USH2A: variants seen among roughly 807,000 people sequenced by gnomAD.
The protein encoded by USH2A is usherin.
USH2A carries 443 observed loss-of-function variants against 538.9 expected under a neutral mutation model. The ratio of observed to expected loss-of-function variants is 0.82; its 90% CI spans 0.76 to 0.89. The LOEUF is 0.89. Among genes scored for constraint, USH2A ranks in the 40% least tolerant of loss-of-function variants. USH2A has a pLI of 0.00. For missense variants in USH2A, 6,633 were observed against 6,324.8 expected (o/e 1.05, Z -1.65); for synonymous variants, 2,413 against 2,273.5 (o/e 1.06, Z -1.75).
Position 215,838,117 on chromosome 1 carries a change from T to G in USH2A, c.9259-14A>C, listed in dbSNP as rs561590242. On this transcript the variant is annotated splice_polypyrimidine_tract_variant and intron_variant, in intron 46 of 71. Coordinates refer to ENST00000307340, the MANE Select transcript of USH2A (RefSeq NM_206933.4). ...GCAGACTTCAACCTGCAAACATTAG[T>G]TTAGAAAAAATAAATGCAACCATTT... 546 of 1,603,556 alleles carry G rather than the reference T, an allele frequency of 3.4e-4. 5 individuals carry two copies. The South Asian group carries it at 5.7e-3, about 17-fold the overall frequency.
At chr1:215,913,721 G>C (rs990177285) in intron 38 of USH2A, among the ~76,000 whole-genome samples, 3 of 151,848 alleles carry the variant, frequency 2.0e-5, no homozygotes, top group Non-Finnish European at 4.4e-5. Context: ...TCATCTTATT[G>C]ATATACTTTG....
At position 216,286,609 on chromosome 1, in the gene USH2A, A is replaced by T. The variant is rs143072240; in HGVS notation, c.1971+2671T>A. On this transcript the variant is annotated intron_variant, in intron 11 of 71. Transcript: ENST00000307340. ...CATGGTGGTGAGCATCTGCAATCCT[A>T]GCTGTTCAGGAGGCCGAGGCAGGAG... is the stretch of plus-strand genomic sequence containing the variant. 2.4e-3 allele frequency among the ~76,000 whole-genome samples: 368 copies of T among 152,182 alleles called. 1 individual carries two copies. Among genetic ancestry groups the T allele is most frequent in the African/African-American group, 8.5e-3 (354 of 41,514 alleles).
In USH2A at chr1:216,148,122, C is replaced by T. The variant is rs552124385; in HGVS notation, c.4627+27130G>A. ...AAGCCCGTCCCCTTCTTAATCAATA[C>T]GGAGGCTACCCACTCCACATTACCC... On this transcript the variant is annotated intron_variant, in intron 21 of 71. Coordinates refer to ENST00000307340, the MANE Select transcript of USH2A (RefSeq NM_206933.4). Among the ~76,000 whole-genome samples the T allele has an allele frequency of 2.0e-4, 31 of 152,038 alleles. 1 individual carries two copies. In the South Asian group the frequency reaches 4.8e-3, roughly 23 times the overall value.
At chr1:215,863,355 C>G (rs1366759305) in intron 44 of USH2A, among the ~76,000 whole-genome samples, 2 of 152,088 alleles carry the variant, frequency 1.3e-5, no homozygotes, top group African/African-American at 4.8e-5. Flanking sequence ...AACAGAGGAA[C>G]AAGGTGAGGC....
At chr1:215,670,763 T>A (rs889629435) in intron 64 of USH2A, among the ~76,000 whole-genome samples, 4 of 152,172 alleles carry the variant, frequency 2.6e-5, no homozygotes, top group Non-Finnish European at 4.4e-5. Flanking sequence ...AAACAACGTA[T>A]ATAATATGGC....
At chr1:216,067,468 C>A (rs2031416366) in intron 30 of USH2A, among the ~76,000 whole-genome samples, 1 of 146,298 alleles carries the variant, frequency 6.8e-6, no homozygotes. Flanking sequence ...GTTGGATGCT[C>A]TGTAGAATAC....
chr1:216,124,630 C>T (rs1442920931), intron 21 of USH2A, among the ~76,000 whole-genome samples: 1 of 152,128 alleles, frequency 6.6e-6, no homozygotes, highest in Non-Finnish European at 1.5e-5. Context: ...ACATATTCAA[C>T]CTTACACCGA....
chr1:216,225,930 T>C (rs1385674638), intron 14 of USH2A, among the ~76,000 whole-genome samples: 1 of 152,108 alleles, frequency 6.6e-6, no homozygotes, highest in African/African-American at 2.4e-5. Flanking sequence ...GAATGGGTGA[T>C]CATGTGTTTG....
intron 61 of USH2A, among the ~76,000 whole-genome samples, chr1:215,680,666 TA>T (rs879571874): frequency 2.4e-4 from 34 of 143,628 alleles, no homozygotes; most frequent in Non-Finnish European, 4.1e-4. Context: ...ATATAAACAT[TA>T]AAAAAAAAAA....
intron 30 of USH2A, among the ~76,000 whole-genome samples, chr1:216,053,327 G>A (rs1046106522): frequency 3.9e-5 from 6 of 152,094 alleles, no homozygotes; most frequent in African/African-American, 7.2e-5. Flanking sequence ...TAGAAAATGC[G>A]GTAGTTGCCT....
intron 3 of USH2A, among the ~76,000 whole-genome samples, chr1:216,392,322 C>A (rs571664769): frequency 1.1e-4 from 17 of 151,912 alleles, no homozygotes; most frequent in African/African-American, 3.9e-4. Context: ...CACGGTGAAA[C>A]CCTGTCTCTA....
intron 54 of USH2A, 148 bp downstream of exon 54, chr1:215,781,894 C>CA: frequency 2.1e-6 from 2 of 944,130 alleles, no homozygotes; most frequent in South Asian, 2.8e-5. Context: ...TATTAGCACT[C>CA]AGTTAACGTG....
chr1:216,326,747 A>G (rs1364356038), intron 5 of USH2A, among the ~76,000 whole-genome samples: 2 of 152,152 alleles, frequency 1.3e-5, no homozygotes, highest in African/African-American at 2.4e-5. Flanking sequence ...AACCACATCA[A>G]AAGCAATGCT....
intron 30 of USH2A, among the ~76,000 whole-genome samples, chr1:216,058,902 C>T (rs183513008): frequency 4.6e-5 from 7 of 152,096 alleles, no homozygotes; most frequent in African/African-American, 1.4e-4. Flanking sequence ...AGGTAGTGAA[C>T]GAGGCTTAAA....
At chr1:216,091,336 T>C (rs1181460569) in intron 22 of USH2A, among the ~76,000 whole-genome samples, 1 of 152,166 alleles carries the variant, frequency 6.6e-6, no homozygotes, top group East Asian at 1.9e-4. Context: ...CATAGAATAT[T>C]TAAGGGATAA....
intron 16 of USH2A, among the ~76,000 whole-genome samples, chr1:216,203,262 T>C (rs1462527779): frequency 6.6e-6 from 1 of 151,806 alleles, no homozygotes; most frequent in Non-Finnish European, 1.5e-5. Context: ...TATATATACA[T>C]ACATATATAT....
chr1:215,842,959 A>G (rs1260600531), intron 46 of USH2A, among the ~76,000 whole-genome samples: 2 of 152,188 alleles, frequency 1.3e-5, no homozygotes, highest in African/African-American at 4.8e-5. Flanking sequence ...ACACGTATAC[A>G]GGAACTTAAA....
intron 56 of USH2A, among the ~76,000 whole-genome samples, chr1:215,766,026 C>T (rs1261887715): frequency 6.6e-6 from 1 of 152,164 alleles, no homozygotes; most frequent in Non-Finnish European, 1.5e-5. Context: ...GGGAAATTAA[C>T]AATTTAAATG....
intron 37 of USH2A, among the ~76,000 whole-genome samples, chr1:215,937,366 G>C (rs558727681): frequency 1.2e-3 from 185 of 152,006 alleles, no homozygotes; most frequent in Non-Finnish European, 2.3e-3. Context: ...TCCAATTTAT[G>C]CCATTTTAGC....
Sources: allele counts gnomAD v4.1 joint callset (sites outside exome capture counted in the v4.1 genomes callset), GRCh38; gene constraint gnomAD v4.1.1; transcripts MANE v1.5; gene names NCBI Gene and HGNC (gene_info 2026-07-23, HGNC 2026-07-21).